The following RBL1 variants were observed in gnomAD, a reference collection of about 807,000 sequenced individuals.
The protein encoded by RBL1 is retinoblastoma-like protein 1.
A neutral mutation model predicts 123.0 loss-of-function variants in RBL1; 82 were observed. The ratio of observed to expected loss-of-function variants is 0.67; its 90% CI spans 0.56 to 0.80. The LOEUF (loss-of-function observed/expected upper bound fraction) is 0.80, where lower values mean the gene tolerates loss of function less well. Ranked by LOEUF, RBL1 falls within the 30% of genes least tolerant of loss-of-function variation. The pLI is 0.00. For synonymous variants in RBL1, 405 were observed against 441.3 expected, an observed-to-expected ratio of 0.92 and a Z score of 1.03; for missense variants, 1,171 against 1,299.6, an observed-to-expected ratio of 0.90 and a Z score of 1.52.
chr20:37,055,061 T>C (rs117629803), intron 11 of RBL1, among the ~76,000 whole-genome samples: 1,571 of 151,732 alleles, frequency 0.01, 11 homozygotes, highest in Non-Finnish European at 0.016. Context: ...ACTCCAAGAG[T>C]GACTGCAGAG....
At chr20:37,001,010 T>G in intron 21 of RBL1, among the ~76,000 whole-genome samples, 2 of 115,282 alleles carry the variant, frequency 1.7e-5, no homozygotes, top group Admixed American at 9.1e-5. Context: ...AGCCGCCCCA[T>G]CCGGGAGGGA....
At chr20:37,031,624 C>A (rs1410041892) in intron 16 of RBL1, among the ~76,000 whole-genome samples, 1 of 152,160 alleles carries the variant, frequency 6.6e-6, no homozygotes, top group Non-Finnish European at 1.5e-5. Flanking sequence ...AATGGTCCAC[C>A]CACTGTGGAA....
chr20:37,023,262 C>T (rs541466368), intron 16 of RBL1, among the ~76,000 whole-genome samples: 2 of 152,206 alleles, frequency 1.3e-5, no homozygotes, highest in South Asian at 4.1e-4. Flanking sequence ...ACTGGGCTTA[C>T]AGGTGCATGC....
At chr20:37,006,104 T>A (rs2064068287) in intron 20 of RBL1, among the ~76,000 whole-genome samples, 1 of 151,614 alleles carries the variant, frequency 6.6e-6, no homozygotes, top group African/African-American at 2.4e-5. Flanking sequence ...TCTTCCTGTG[T>A]TTCTAGGCTG....
chr20:37,035,743 C>T (rs920140184), intron 14 of RBL1, among the ~76,000 whole-genome samples: 2 of 152,108 alleles, frequency 1.3e-5, no homozygotes, highest in Admixed American at 1.3e-4. Context: ...TGAACCTCTG[C>T]CTACATTAAA....
At chr20:37,016,728 A>T (rs945022764) in intron 19 of RBL1, among the ~76,000 whole-genome samples, 1 of 151,802 alleles carries the variant, frequency 6.6e-6, no homozygotes, top group East Asian at 1.9e-4. Context: ...GGAGTTGGAG[A>T]CCAGCCTGGG....
intron 17 of RBL1, among the ~76,000 whole-genome samples, chr20:37,022,306 A>C (rs1163072345): frequency 6.6e-6 from 1 of 152,214 alleles, no homozygotes; most frequent in Non-Finnish European, 1.5e-5. Context: ...ATCACGAGAA[A>C]GCAATATGCG....
intron 21 of RBL1, 72 bp downstream of exon 21, chr20:37,003,625 GAAAAA>G: frequency 1.7e-6 from 2 of 1,150,962 alleles, no homozygotes; most frequent in South Asian, 2.0e-5. Context: ...GGCCAAAAAA[GAAAAA>G]AAAAAAAAGA....
chr20:37,060,210 A>AAATAAATC (rs879674854), intron 9 of RBL1, among the ~76,000 whole-genome samples: 309 of 151,330 alleles, frequency 2.0e-3, no homozygotes, highest in Non-Finnish European at 3.1e-3. Flanking sequence ...ATAAATAAAT[A>AAATAAATC]AATCCATTTT....
chr20:37,056,077 C>T (rs1025760844), intron 10 of RBL1, 69 bp downstream of exon 10: 43 of 1,520,140 alleles, frequency 2.8e-5, no homozygotes, highest in South Asian at 5.0e-5. Flanking sequence ...GAGGAAAAAC[C>T]GTGAATTTCT....
At chr20:37,062,931 G>A (rs1465303344) in intron 7 of RBL1, among the ~76,000 whole-genome samples, 1 of 149,806 alleles carries the variant, frequency 6.7e-6, no homozygotes, top group African/African-American at 2.5e-5. Context: ...GCAGTGAGCT[G>A]AGATCGCGCC....
At chr20:37,045,779 A>C (rs1033585967) in intron 12 of RBL1, among the ~76,000 whole-genome samples, 1 of 152,236 alleles carries the variant, frequency 6.6e-6, no homozygotes, top group Non-Finnish European at 1.5e-5. Flanking sequence ...AATCACACTC[A>C]GTAATTCACA....
At chr20:37,025,090 T>C (rs1051096283) in intron 16 of RBL1, among the ~76,000 whole-genome samples, 3 of 152,172 alleles carry the variant, frequency 2.0e-5, no homozygotes, top group South Asian at 2.1e-4. Flanking sequence ...TGAGCTATAA[T>C]TGAAAGGAAC....
At chr20:37,065,295 C>T (rs770823813) in intron 7 of RBL1, 129 bp downstream of exon 7, 1 of 617,740 alleles carries the variant, frequency 1.6e-6, no homozygotes, top group Non-Finnish European at 2.8e-6. Flanking sequence ...ACATTCAATG[C>T]CACTAAAGCA....
chr20:37,067,035 TA>T lies in RBL1; in HGVS notation c.642del (p.Met215CysfsTer9). On this transcript the variant is annotated frameshift_variant, in exon 5 of 22. Coordinates refer to ENST00000373664, the MANE Select transcript of RBL1 (RefSeq NM_002895.5). LOFTEE classifies it high-confidence loss of function. ...AGCAAGTCTTGTCTATTTGGGCACA[TA>T]ATCGCATTGGCAAAAATCAGATCCA... ...CCLDLIFANAIMCPNRQDLLN... is the reference protein window; with the variant it reads ...CCLDLIFANAXMCPNRQDLLN... 1 of 1,609,798 alleles carries T rather than the reference TA, an allele frequency of 6.2e-7. No individual in the cohort carries two copies.
chr20:37,020,640 G>GA lies in RBL1; in HGVS notation c.2631+18dup, dbSNP rs1165186952. The GA allele has an allele frequency of 6.6e-7, 1 of 1,513,504 alleles. No homozygotes were observed. 93.8% of individuals were successfully genotyped at this position (1,513,504 alleles called of 1,614,324 possible). A position where few individuals can be genotyped will look rare whatever the true frequency, so the allele number is the denominator to read the frequency against. ...GAGTAAATCTATTTTTGGACAGTAGGAAAAATAATGTAACTCACGTGACTA... is the reference window on the plus strand; with the variant it reads ...GAGTAAATCTATTTTTGGACAGTAGGAAAAAATAATGTAACTCACGTGACTA... On this transcript the variant is annotated intron_variant, in intron 18 of 21. Transcript: ENST00000373664.
intron 13 of RBL1, 64 bp downstream of exon 13, chr20:37,044,022 C>T: frequency 7.5e-7 from 1 of 1,333,894 alleles, no homozygotes; most frequent in Non-Finnish European, 1.0e-6. Flanking sequence ...AATTATCTCT[C>T]AATAAAGCTG....
In RBL1 at chr20:37,069,845, T is replaced by TG. The variant is rs1270513180; in HGVS notation, c.291-1660dup. Among the ~76,000 whole-genome samples the TG allele has an allele frequency of 1.7e-3, 237 of 139,162 alleles. 2 individuals are homozygous for TG. The highest frequency in any genetic ancestry group is 6.1e-3 in the African/African-American group (219 of 35,944). The allele number at this position is 139,162 out of a possible 152,430, so 91.3% of individuals were successfully genotyped here. A position where few individuals can be genotyped will look rare whatever the true frequency, so the allele number is the denominator to read the frequency against. Reference sequence around the variant, plus strand: ...CCAGCCGCCCTGTCCGGGAGGGAGGTGGGGGGGTCAGCCCCCCGCCCGGCC... The same window carrying TG: ...CCAGCCGCCCTGTCCGGGAGGGAGGTGGGGGGGGTCAGCCCCCCGCCCGGCC... On this transcript the variant is annotated intron_variant, in intron 2 of 21. Coordinates refer to ENST00000373664, the MANE Select transcript of RBL1 (RefSeq NM_002895.5).
At chr20:37,094,835 G>A (rs150691757) in intron 1 of RBL1, among the ~76,000 whole-genome samples, 2 of 152,168 alleles carry the variant, frequency 1.3e-5, no homozygotes, top group East Asian at 1.9e-4. Flanking sequence ...ATGGGGTTTC[G>A]CCGTGTTGCC....
Sources: gnomAD v4.1 joint callset for allele counts (sites outside exome capture counted in the v4.1 genomes callset) on GRCh38, gnomAD v4.1.1 for gene constraint, MANE v1.5 for transcripts, NCBI Gene and HGNC (gene_info 2026-07-23, HGNC 2026-07-21) for gene names.